The following GSTM2 variants were observed in gnomAD, a reference collection of about 807,000 sequenced individuals.
The protein encoded by GSTM2 is GST class-mu 2.
In GSTM2, 33 loss-of-function variants were observed where a neutral mutation model predicts 33.3. The ratio of observed to expected loss-of-function variants is 0.99; its 90% CI spans 0.75 to 1.33. GSTM2 has a LOEUF of 1.33. Ranked by LOEUF, GSTM2 falls within the 40% of genes most tolerant of loss-of-function variation. GSTM2 has a pLI of 0.00. For missense variants in GSTM2, 213 were observed against 265.8 expected (o/e 0.80, Z 1.38); for synonymous variants, 93 against 95.6 (o/e 0.97, Z 0.16).
downstream of GSTM2, among the ~76,000 whole-genome samples, chr1:109,678,397 A>C (rs935758617): frequency 7.9e-5 from 12 of 152,190 alleles, no homozygotes; most frequent in African/African-American, 2.9e-4. Flanking sequence ...TCTACCCCTC[A>C]AAGTGCTGGG....
downstream of GSTM2, among the ~76,000 whole-genome samples, chr1:109,679,461 G>A (rs1011835753): frequency 9.2e-5 from 14 of 152,200 alleles, no homozygotes; most frequent in Admixed American, 2.6e-4. Context: ...TTGGGTGACA[G>A]AGTGAGATTC....
downstream of GSTM2, among the ~76,000 whole-genome samples, chr1:109,677,443 T>G (rs527471987): frequency 1.3e-5 from 2 of 152,340 alleles, no homozygotes; most frequent in South Asian, 4.1e-4. Flanking sequence ...ATTCCATCAT[T>G]CATATAATGG....
downstream of GSTM2, among the ~76,000 whole-genome samples, chr1:109,676,631 G>A (rs1356678230): frequency 6.6e-6 from 1 of 152,122 alleles, no homozygotes; most frequent in African/African-American, 2.4e-5. Flanking sequence ...AATTACATGC[G>A]TGAGCCACTC....
At chr1:109,668,311 G>A in intron 1 of GSTM2, 114 bp from the exon 2 acceptor site, 1 of 1,379,676 alleles carries the variant, frequency 7.2e-7, no homozygotes, top group South Asian at 1.2e-5. Flanking sequence ...GGCGTGCGGG[G>A]TGGGGGCGGG....
intron 7 of GSTM2, chr1:109,673,613 C>T (rs1225182151): frequency 1.2e-5 from 3 of 241,860 alleles, no homozygotes; most frequent in East Asian, 1.2e-4. Flanking sequence ...AGCTATGGCC[C>T]GTTATGTGCC....
At chr1:109,668,318 C>A in intron 1 of GSTM2, 107 bp from the exon 2 acceptor site, 1 of 1,298,214 alleles carries the variant, frequency 7.7e-7, no homozygotes, top group South Asian at 1.2e-5. Context: ...GGGGTGGGGG[C>A]GGGTGAGGCA....
At chr1:109,670,354 C>G (rs1647488844) in intron 5 of GSTM2, 1 of 152,068 alleles carries the variant, frequency 6.6e-6, no homozygotes, top group Admixed American at 6.6e-5. Flanking sequence ...AGCTTCACCT[C>G]TCATTTTGAT....
chr1:109,678,741 C>T (rs71665052), downstream of GSTM2, among the ~76,000 whole-genome samples: 1 of 137,548 alleles, frequency 7.3e-6, no homozygotes, highest in African/African-American at 2.7e-5. Context: ...GCCTGGGCAA[C>T]AGAACAAGAC....
At chr1:109,673,976 G>C (rs1647634911) in intron 7 of GSTM2, among the ~76,000 whole-genome samples, 1 of 152,206 alleles carries the variant, frequency 6.6e-6, no homozygotes, top group South Asian at 2.1e-4. Context: ...CTGCAGCAGG[G>C]CTGGAGATGC....
intron 7 of GSTM2, among the ~76,000 whole-genome samples, chr1:109,672,400 G>A (rs1053258361): frequency 6.6e-6 from 1 of 152,148 alleles, no homozygotes; most frequent in Non-Finnish European, 1.5e-5. Flanking sequence ...ATTCCTACAG[G>A]GTGGTAGAAT....
At chr1:109,671,139 C>G (rs1339936586) in intron 5 of GSTM2, 148 bp from the exon 6 acceptor site, 2 of 660,232 alleles carry the variant, frequency 3.0e-6, no homozygotes, top group Non-Finnish European at 5.6e-6. Context: ...CTGATGTATC[C>G]AGCTGAAGCC....
chr1:109,671,714 T>C lies in GSTM2; in HGVS notation c.567+131T>C, dbSNP rs973622090. Reference sequence around the variant, plus strand: ...CATGTGCGGTGGCTCACGCCTGTAATCTCAGCGCTTTGGAGGCTGAGGGAG... The same window carrying C: ...CATGTGCGGTGGCTCACGCCTGTAACCTCAGCGCTTTGGAGGCTGAGGGAG... On this transcript the variant is annotated intron_variant, in intron 7 of 7. Transcript: ENST00000241337. 10 of 715,874 alleles carry C rather than the reference T, an allele frequency of 1.4e-5. No individual in the cohort carries two copies. The African/African-American group carries it at 1.4e-4, about 10-fold the overall frequency. The allele number at this position is 715,874 out of a possible 1,614,324, so 44.3% of individuals were successfully genotyped here.
At chr1:109,668,384 A>G in intron 1 of GSTM2, 41 bp from the exon 2 acceptor site, 5 of 1,601,802 alleles carry the variant, frequency 3.1e-6, no homozygotes, top group Non-Finnish European at 4.3e-6. Context: ...AAAGTCAGGG[A>G]CCCTCCATCT....
chr1:109,683,915 C>T lies in GSTM2; in HGVS notation c.567+12332C>T, dbSNP rs554147275. On this transcript the variant is annotated intron_variant, in intron 7 of 7. Coordinates refer to the GSTM2 transcript ENST00000369831. ...TCTTCCTTATTTGAAGGTGTTTTTA[C>T]CTTACTCAGCATTCCACAAGTGAGT... is the stretch of plus-strand genomic sequence containing the variant. 2 of 21,096 alleles carry T rather than the reference C, an allele frequency of 9.5e-5. 1 individual carries two copies. Among genetic ancestry groups the T allele is most frequent in the Non-Finnish European group, 4.3e-4 (2 of 4,692 alleles). 1.3% of individuals were successfully genotyped at this position (21,096 alleles called of 1,614,324 possible). A position where few individuals can be genotyped will look rare whatever the true frequency, so the allele number is the denominator to read the frequency against.
intron 5 of GSTM2, chr1:109,670,948 T>G (rs1288074234): frequency 4.3e-6 from 1 of 232,116 alleles, no homozygotes; most frequent in Non-Finnish European, 8.5e-6. Flanking sequence ...CTTTAGTTCT[T>G]TGCATCCTTG....
intron 5 of GSTM2, chr1:109,670,937 CCTTTAGTT>C: frequency 4.6e-6 from 1 of 215,142 alleles, no homozygotes; most frequent in Non-Finnish European, 9.4e-6. Context: ...TCTCTGAGCT[CCTTTAGTT>C]CTTTGCATCC....
In GSTM2 at chr1:109,671,541, G is replaced by A; in HGVS notation, c.525G>A (p.Leu175=). The A allele has an allele frequency of 6.2e-7, 1 of 1,613,142 alleles. No individual in the cohort carries two copies. Among genetic ancestry groups the A allele is most frequent in the Non-Finnish European group, 8.5e-7 (1 of 1,179,110 alleles). The change falls in exon 7 of 8, where the codon CTG becomes CTA. Residue 175 remains leucine, a synonymous_variant. Transcript: ENST00000241337. ...ACCAAGTATTTGAGCCCAGCTGCCT[G>A]GATGCCTTCCCAAACCTGAAGGACT... The part of the protein sequence containing the change: ...ERNQVFEPSC[L]DAFPNLKDFI...
intron 3 of GSTM2, 63 bp from the exon 4 acceptor site, chr1:109,669,226 TG>T: frequency 6.3e-7 from 1 of 1,576,796 alleles, no homozygotes; most frequent in Non-Finnish European, 8.7e-7. Context: ...CCCTTGCATA[TG>T]GGAAGGGGAT....
chr1:109,676,572 C>G (rs771766546), downstream of GSTM2, among the ~76,000 whole-genome samples: 2 of 152,114 alleles, frequency 1.3e-5, no homozygotes, highest in South Asian at 2.1e-4. Flanking sequence ...ATGCTGGTCT[C>G]GAACTCCTGA....
Sources: allele counts gnomAD v4.1 joint callset (sites outside exome capture counted in the v4.1 genomes callset), GRCh38; gene constraint gnomAD v4.1.1; transcripts MANE v1.5; gene names NCBI Gene and HGNC (gene_info 2026-07-23, HGNC 2026-07-21).